Variants in ATXN7 observed in about 807,000 individuals in gnomAD.
The protein encoded by ATXN7 is ataxin 7.
ATXN7 carries 12 observed loss-of-function variants against 70.5 expected under a neutral mutation model. The ratio of observed to expected loss-of-function variants is 0.17; its 90% confidence interval spans 0.11 to 0.28. The LOEUF (loss-of-function observed/expected upper bound fraction) is 0.28, where lower values mean the gene tolerates loss of function less well. Among genes scored for constraint, ATXN7 ranks in the 10% least tolerant of loss-of-function variants. The pLI is 1.00. For missense variants in ATXN7, 1,256 were observed against 1,131.7 expected, an observed-to-expected ratio of 1.11 and a Z score of -1.58; for synonymous variants, 498 against 448.7, an observed-to-expected ratio of 1.11 and a Z score of -1.39.
intron 11 of ATXN7, among the ~76,000 whole-genome samples, chr3:63,993,529 T>C (rs1364057909): frequency 6.6e-6 from 1 of 152,194 alleles, no homozygotes; most frequent in Non-Finnish European, 1.5e-5. Context: ...ATGCTTGTTT[T>C]CCACCTAGCC....
chr3:63,954,732 G>C (rs1250708513), intron 5 of ATXN7, among the ~76,000 whole-genome samples: 1 of 138,160 alleles, frequency 7.2e-6, no homozygotes. Context: ...TTTTTGAGAC[G>C]GAGTCTCGCT....
chr3:63,873,175 A>G (rs191967809), intron 1 of ATXN7, among the ~76,000 whole-genome samples: 27 of 152,262 alleles, frequency 1.8e-4, no homozygotes, highest in Non-Finnish European at 1.8e-4. Context: ...TATCCCCCCA[A>G]TTTTTAAGAA....
At chr3:63,884,887 G>A (rs925433892) in intron 1 of ATXN7, among the ~76,000 whole-genome samples, 2 of 150,986 alleles carry the variant, frequency 1.3e-5, no homozygotes, top group Non-Finnish European at 2.9e-5. Flanking sequence ...TTGAACTCCT[G>A]GGCTCAAGCG....
intron 5 of ATXN7, among the ~76,000 whole-genome samples, chr3:63,958,104 C>G (rs979530939): frequency 1.3e-5 from 2 of 152,168 alleles, no homozygotes; most frequent in African/African-American, 4.8e-5. Context: ...TTGGCTTTTT[C>G]ATGACTTTAT....
At chr3:63,987,969 C>T in intron 8 of ATXN7, 90 bp from the exon 9 acceptor site, 1 of 1,489,170 alleles carries the variant, frequency 6.7e-7, no homozygotes. Context: ...GTCTAGATTG[C>T]TTATTTATTG....
chr3:63,961,026 A>G (rs2075119942), intron 5 of ATXN7, among the ~76,000 whole-genome samples: 1 of 152,224 alleles, frequency 6.6e-6, no homozygotes, highest in African/African-American at 2.4e-5. Context: ...TAATTATTAA[A>G]ATAAAATACA....
chr3:63,888,624 A>G (rs975547161), intron 1 of ATXN7, among the ~76,000 whole-genome samples: 2 of 152,100 alleles, frequency 1.3e-5, no homozygotes, highest in Admixed American at 6.6e-5. Flanking sequence ...TAAAAATACA[A>G]AAATAGCTGG....
intron 6 of ATXN7, among the ~76,000 whole-genome samples, chr3:63,981,170 G>A (rs1451426815): frequency 6.6e-6 from 1 of 152,186 alleles, no homozygotes; most frequent in African/African-American, 2.4e-5. Context: ...TGCCAGCTGG[G>A]AGAGGATGTG....
intron 4 of ATXN7, among the ~76,000 whole-genome samples, chr3:63,919,599 CTTTT>C (rs200285154): frequency 1.3e-5 from 2 of 151,230 alleles, no homozygotes; most frequent in African/African-American, 2.4e-5. Context: ...CATTCACTAT[CTTTT>C]TTTTTAATTA....
chr3:63,933,236 T>C (rs3821901), intron 4 of ATXN7, among the ~76,000 whole-genome samples: 3,354 of 152,314 alleles, frequency 0.022, 63 homozygotes, highest in South Asian at 0.073. Context: ...CCTAAGGAAC[T>C]GGCAGGCTCT....
intron 4 of ATXN7, among the ~76,000 whole-genome samples, chr3:63,913,730 T>C (rs1704151642): frequency 1.3e-5 from 2 of 152,204 alleles, no homozygotes; most frequent in African/African-American, 4.8e-5. Flanking sequence ...TCAGATTTTT[T>C]GCGAGCTGCC....
intron 2 of ATXN7, among the ~76,000 whole-genome samples, chr3:63,911,188 C>A (rs1704002313): frequency 1.3e-5 from 2 of 152,152 alleles, no homozygotes; most frequent in Non-Finnish European, 2.9e-5. Flanking sequence ...TCTCAGGCTT[C>A]AAATTTTCAC....
rs149760143 is a variant in ATXN7, at chr3:63,881,707, C to G, written c.-110-16692C>G. On this transcript the variant is annotated intron_variant, in intron 1 of 12. Transcript: ENST00000674280. ...GTTTCACCATGTTGGTCGGGCTGGT[C>G]TTGAACTCCTGACTTCGTGATTTGC... Among the ~76,000 whole-genome samples, 467 of 152,264 alleles carry G rather than the reference C, an allele frequency of 3.1e-3. 3 individuals carry two copies. Among genetic ancestry groups the G allele is most frequent in the African/African-American group, 0.011 (449 of 41,562 alleles).
intron 1 of ATXN7, among the ~76,000 whole-genome samples, chr3:63,896,512 C>T (rs72878785): frequency 0.018 from 2,780 of 152,284 alleles, 93 homozygotes; most frequent in African/African-American, 0.06. Flanking sequence ...TACAGTTTCA[C>T]ACCACTTGTT....
intron 4 of ATXN7, among the ~76,000 whole-genome samples, chr3:63,927,172 T>C (rs1024058157): frequency 2.0e-5 from 3 of 152,218 alleles, no homozygotes; most frequent in African/African-American, 7.2e-5. Context: ...ACTTTGGGTA[T>C]ATACCTAGTA....
intron 4 of ATXN7, among the ~76,000 whole-genome samples, chr3:63,933,598 A>AC (rs2074598806): frequency 6.6e-6 from 1 of 152,328 alleles, no homozygotes; most frequent in East Asian, 1.9e-4. Flanking sequence ...TGATGAGTGA[A>AC]CTATATATCT....
chr3:63,972,153 TAAAC>T (rs2075321451), intron 5 of ATXN7, among the ~76,000 whole-genome samples: 1 of 152,184 alleles, frequency 6.6e-6, no homozygotes. Flanking sequence ...GACATAAAAA[TAAAC>T]AATAAATAAT....
At chr3:63,942,684 T>A (rs977345964) in intron 4 of ATXN7, among the ~76,000 whole-genome samples, 1 of 152,212 alleles carries the variant, frequency 6.6e-6, no homozygotes, top group Non-Finnish European at 1.5e-5. Context: ...CAGTAGAGAT[T>A]GAAGCAGTGG....
At chr3:63,944,826 C>T (rs946899308) in intron 4 of ATXN7, among the ~76,000 whole-genome samples, 6 of 152,066 alleles carry the variant, frequency 3.9e-5, no homozygotes, top group East Asian at 1.9e-4. Context: ...GAATCTTGCT[C>T]TGTCACCCAG....
Sources: allele counts gnomAD v4.1 joint callset (sites outside exome capture counted in the v4.1 genomes callset), GRCh38; gene constraint gnomAD v4.1.1; transcripts MANE v1.5; gene names NCBI Gene and HGNC (gene_info 2026-07-23, HGNC 2026-07-21).